Variants in TNRC6A observed in about 807,000 individuals in gnomAD.
The protein encoded by TNRC6A is trinucleotide repeat-containing gene 6A protein.
Under a neutral mutation model 221.2 loss-of-function variants are expected in TNRC6A, and 44 were observed. The ratio of observed to expected loss-of-function variants is 0.20; its 90% confidence interval spans 0.16 to 0.26. TNRC6A has a LOEUF of 0.26. Ranked by LOEUF, TNRC6A falls within the 10% of genes least tolerant of loss-of-function variation. The probability of loss-of-function intolerance (pLI) is 1.00; values close to 1 mark genes in which losing one functional copy is unlikely to be tolerated. For missense variants in TNRC6A, 2,199 were observed against 2,404.4 expected, an observed-to-expected ratio of 0.91 and a Z score of 1.79; for synonymous variants, 847 against 838.5, an observed-to-expected ratio of 1.01 and a Z score of -0.18.
At chr16:24,810,197 C>T (rs1330744782) in intron 18 of TNRC6A, among the ~76,000 whole-genome samples, 1 of 152,178 alleles carries the variant, frequency 6.6e-6, no homozygotes, top group Non-Finnish European at 1.5e-5. Context: ...ATGGATTTAA[C>T]AGTATTGTCT....
At chr16:24,819,716 A>C in intron 21 of TNRC6A, 1 of 201,166 alleles carries the variant, frequency 5.0e-6, no homozygotes, top group South Asian at 8.7e-5. Flanking sequence ...CTCCTTTGGC[A>C]GCTCCTGAGT....
In TNRC6A at chr16:24,823,503, A is replaced by G. The variant is rs1272063581; in HGVS notation, c.5585A>G (p.Gln1862Arg). 1 of 1,614,138 alleles carries G rather than the reference A, an allele frequency of 6.2e-7. No individual in the cohort carries two copies. Among genetic ancestry groups the G allele is most frequent in the Admixed American group, 1.7e-5 (1 of 60,018 alleles). Residue 1862 changes from glutamine to arginine, a missense_variant, in exon 25 of 25, where the codon CAA (glutamine) becomes CGA (arginine). Transcript: ENST00000395799. This position sits in a 1 kb window ranked among gnomAD's most constrained non-coding sequence, Gnocchi z 4.3. Reference sequence around the variant, plus strand: ...GAGGAGATCAGTCGTTTCTTTGCACAAAGCCAGTCTCTGACCCCTTCTCCC... The same window carrying G: ...GAGGAGATCAGTCGTTTCTTTGCACGAAGCCAGTCTCTGACCCCTTCTCCC... ...SEEEISRFFA[Q>R]SQSLTPSPGW...
Position 24,777,069 on chromosome 16 carries a change from ACAGCAGCAGCCGCAGCAGCAG to A in TNRC6A, c.305_325del (p.Gln102_Gln108del). On this transcript the variant is annotated inframe_deletion, in exon 5 of 25. Coordinates refer to ENST00000395799, the MANE Select transcript of TNRC6A (RefSeq NM_014494.4). ...ATCAGCAGCCACAGCAGCAGCAGCA[ACAGCAGCAGCCGCAGCAGCAG>A]CAGCCACAGCAGCAGCCACAGCCGC... 1 of 1,606,636 alleles carries A rather than the reference ACAGCAGCAGCCGCAGCAGCAG, an allele frequency of 6.2e-7. No homozygotes were observed. The highest frequency in any genetic ancestry group is 1.1e-5 in the South Asian group (1 of 90,818).
At chr16:24,822,194 T>C (rs771894694) in intron 23 of TNRC6A, 47 bp downstream of exon 23, 16 of 1,592,356 alleles carry the variant, frequency 1.0e-5, no homozygotes, top group Middle Eastern at 3.5e-4. Context: ...CCAGGGAGCA[T>C]GGGAACAGAG....
rs760455788 is a variant in TNRC6A, at chr16:24,789,599, C to A, written c.957C>A (p.Ala319=). 21 of 1,614,006 alleles carry A rather than the reference C, an allele frequency of 1.3e-5. 1 individual carries two copies. The South Asian group carries it at 2.3e-4, about 18-fold the overall frequency. The change falls in exon 6 of 25, where the codon GCC becomes GCA. Residue 319 remains alanine, a synonymous_variant. Transcript: ENST00000395799. ...GGCCATGGGGTTTTTCCCATGGAGCCATAATAAGCACATGTCAGGTCTCTG... is the reference window on the plus strand; with the variant it reads ...GGCCATGGGGTTTTTCCCATGGAGCAATAATAAGCACATGTCAGGTCTCTG... ...STGPWGFSHG[A]IISTCQVSVD...
rs74497249 is a variant in TNRC6A, at chr16:24,713,936, G to A, written n.403-36790G>A. Among the ~76,000 whole-genome samples, 617 of 152,280 alleles carry A rather than the reference G, an allele frequency of 4.1e-3. 6 individuals are homozygous for A. The highest frequency in any genetic ancestry group is 0.014 in the African/African-American group (581 of 41,558). On this transcript the variant is annotated intron_variant and non_coding_transcript_variant, in intron 2 of 2. Transcript: ENST00000566108. ...GCTGGGATTACAGGCGTGAGGCAGCGCACTTGGCCATTAATCATTGTTTTT... is the reference window on the plus strand; with the variant it reads ...GCTGGGATTACAGGCGTGAGGCAGCACACTTGGCCATTAATCATTGTTTTT...
chr16:24,626,181 C>T (rs1442792523), intron 1 of TNRC6A, among the ~76,000 whole-genome samples: 1 of 152,056 alleles, frequency 6.6e-6, no homozygotes, highest in Non-Finnish European at 1.5e-5. Context: ...TTGTCCTCCC[C>T]AGGGGACACC....
rs71383705 is a variant in TNRC6A, at chr16:24,717,770, C to CTT, written n.403-32938_403-32937dup. On this transcript the variant is annotated intron_variant and non_coding_transcript_variant, in intron 2 of 2. Transcript: ENST00000566108. ...AGACAAGGTTCATCTTTTTTTTTTT[C>CTT]TTTTTTTTTTTTTTTTTTTGAGAAG... is the stretch of plus-strand genomic sequence containing the variant. Among the ~76,000 whole-genome samples, 243 of 107,352 alleles carry CTT rather than the reference C, an allele frequency of 2.3e-3. 1 individual carries two copies. Among genetic ancestry groups the CTT allele is most frequent in the Non-Finnish European group, 3.3e-3 (176 of 53,986 alleles). The allele number at this position is 107,352 out of a possible 152,430, so 70.4% of individuals were successfully genotyped here.
chr16:24,764,244 A>T (rs1169277858), intron 4 of TNRC6A, among the ~76,000 whole-genome samples: 1 of 151,666 alleles, frequency 6.6e-6, no homozygotes, highest in African/African-American at 2.4e-5. Flanking sequence ...AGGTTCATCC[A>T]TGTTGTGGCA....
chr16:24,643,435 T>A (rs1185502356), intron 2 of TNRC6A, among the ~76,000 whole-genome samples: 1 of 152,024 alleles, frequency 6.6e-6, no homozygotes, highest in Non-Finnish European at 1.5e-5. Context: ...TATGTCTTAA[T>A]CTTTTGCTTT....
At position 24,755,196 on chromosome 16, in the gene TNRC6A, A is replaced by G. The variant is rs186530329; in HGVS notation, c.142-3143A>G. On this transcript the variant is annotated intron_variant, in intron 3 of 24. Coordinates refer to ENST00000395799, the MANE Select transcript of TNRC6A (RefSeq NM_014494.4). ...TGCTAAGTCATAGGAAAGCTCTCTGAGCACTAGGTGTCTCATTTAAAATCA... is the reference window on the plus strand; with the variant it reads ...TGCTAAGTCATAGGAAAGCTCTCTGGGCACTAGGTGTCTCATTTAAAATCA... Among the ~76,000 whole-genome samples the G allele has an allele frequency of 3.0e-3, 458 of 152,322 alleles. 10 individuals are homozygous for G. The highest frequency in any genetic ancestry group is 1.0e-3 in the Non-Finnish European group (71 of 68,014).
chr16:24,668,089 A>G (rs1340883377), intron 2 of TNRC6A, among the ~76,000 whole-genome samples: 1 of 152,150 alleles, frequency 6.6e-6, no homozygotes, highest in Non-Finnish European at 1.5e-5. Flanking sequence ...GCATTTTGGG[A>G]GGCTGAGGCT....
intron 6 of TNRC6A, among the ~76,000 whole-genome samples, chr16:24,792,538 G>C (rs2058126169): frequency 1.5e-5 from 2 of 135,090 alleles, no homozygotes; most frequent in Non-Finnish European, 3.1e-5. Context: ...ATTTAGGTTT[G>C]ATTCTTAAAA....
intron 2 of TNRC6A, among the ~76,000 whole-genome samples, chr16:24,735,928 G>A (rs932669665): frequency 3.3e-5 from 5 of 152,188 alleles, no homozygotes; most frequent in African/African-American, 1.2e-4. Flanking sequence ...ACTTTGGGAG[G>A]CCGAGGTGGG....
At position 24,822,999 on chromosome 16, in the gene TNRC6A, A is replaced by G. The variant is rs771090842; in HGVS notation, c.5499A>G (p.Gln1833=). ...CAAAAGAAGAGGTAGTGAAGGCACAAAAGTCTCTGCACATGTAAGTTGGCT... is the reference window on the plus strand; with the variant it reads ...CAAAAGAAGAGGTAGTGAAGGCACAGAAGTCTCTGCACATGTAAGTTGGCT... ...YSSKEEVVKA[Q]KSLHMCVLGN... The change falls in exon 24 of 25, where the codon CAA becomes CAG. Residue 1833 remains glutamine (Q), a synonymous_variant. Coordinates refer to ENST00000395799, the MANE Select transcript of TNRC6A (RefSeq NM_014494.4). The G allele has an allele frequency of 5.6e-6, 9 of 1,614,230 alleles. No homozygotes were observed. The Admixed American group carries it at 1.0e-4, about 18-fold the overall frequency.
At chr16:24,674,095 G>A (rs2055359329) in intron 2 of TNRC6A, among the ~76,000 whole-genome samples, 1 of 152,056 alleles carries the variant, frequency 6.6e-6, no homozygotes, top group African/African-American at 2.4e-5. Flanking sequence ...TTTTGAGACA[G>A]GGTTTGGCTG....
chr16:24,613,469 ATTT>A (rs1230817070), intron 1 of TNRC6A, among the ~76,000 whole-genome samples: 1 of 64,098 alleles, frequency 1.6e-5, no homozygotes, highest in African/African-American at 8.2e-5. Flanking sequence ...ATTTTATTTT[ATTT>A]TATTTTATTT....
intron 2 of TNRC6A, among the ~76,000 whole-genome samples, chr16:24,675,710 A>C (rs377310641): frequency 0.059 from 4,522 of 76,164 alleles, 84 homozygotes; most frequent in African/African-American, 0.075. Flanking sequence ...CTCTATATAT[A>C]TATATATATA....
At chr16:24,738,453 G>A (rs763320608) in intron 2 of TNRC6A, among the ~76,000 whole-genome samples, 11 of 152,044 alleles carry the variant, frequency 7.2e-5, no homozygotes, top group Non-Finnish European at 1.2e-4. Context: ...CTCCCCATTT[G>A]TCCCTTCCAC....
Sources: gnomAD v4.1 joint callset for allele counts (sites outside exome capture counted in the v4.1 genomes callset) on GRCh38, gnomAD v4.1.1 for gene constraint, Gnocchi (gnomAD v3.1) non-coding constraint, MANE v1.5 for transcripts, NCBI Gene and HGNC (gene_info 2026-07-23, HGNC 2026-07-21) for gene names.